BOD1L1: variants seen among roughly 807,000 people sequenced by gnomAD.
BOD1L1 encodes the protein biorientation of chromosomes in cell division protein 1-like 1.
Under a neutral mutation model 240.7 loss-of-function variants are expected in BOD1L1, and 86 were observed. That is an observed-to-expected ratio of 0.36 (90% CI 0.30 to 0.43). BOD1L1 has a LOEUF of 0.43. BOD1L1 is among the 20% of genes least tolerant of loss of function. BOD1L1 has a pLI of 1.00. For missense variants in BOD1L1, 3,554 were observed against 3,643.5 expected (o/e 0.98, Z 0.63); for synonymous variants, 1,268 against 1,272.3 (o/e 1.00, Z 0.07).
At chr4:13,593,876 G>A (rs2108923008) in intron 12 of BOD1L1, among the ~76,000 whole-genome samples, 2 of 152,282 alleles carry the variant, frequency 1.3e-5, no homozygotes, top group Admixed American at 1.3e-4. Context: ...GTGGATCCAG[G>A]AACACAGCAC....
rs1716306928 is a variant in BOD1L1 at position 13,613,037 on chromosome 4, G to A, written c.1324+475C>T. Among the ~76,000 whole-genome samples, 1 of 152,166 alleles carries A rather than the reference G, an allele frequency of 6.6e-6. No individual in the cohort carries two copies. Among genetic ancestry groups the A allele is most frequent in the Admixed American group, 6.5e-5 (1 of 15,274 alleles). On this transcript the variant is annotated intron_variant, in intron 5 of 25. Coordinates refer to ENST00000040738, the MANE Select transcript of BOD1L1 (RefSeq NM_148894.3). The surrounding 1 kb of genome is among the most constrained non-coding windows in gnomAD (Gnocchi z 4.0). ...GCCCTGTGTGCCTCTTCCCTTGGCT[G>A]ATTTTAATCTGAGCACCTTAACTGT...
chr4:13,599,117 A>G lies in BOD1L1; in HGVS notation c.7783T>C (p.Leu2595=). 6.2e-7 allele frequency: 1 copy of G among 1,614,026 alleles called. No individual in the cohort carries two copies. Among genetic ancestry groups the G allele is most frequent in the Non-Finnish European group, 8.5e-7 (1 of 1,179,880 alleles). Residue 2595 remains leucine, a synonymous_variant, in exon 10 of 26, where the codon TTG becomes CTG. Transcript: ENST00000040738. ...IPPATYSVAL[L]APKCEQDLTI... is the part of the protein sequence containing the mutation. ...AAGTCCTGCTCACATTTAGGAGCCA[A>G]CAGAGCTACACTGTAAGTAGCTGGA...
intron 21 of BOD1L1, 55 bp downstream of exon 21, chr4:13,580,965 C>T (rs938552028): frequency 4.2e-5 from 62 of 1,478,854 alleles, no homozygotes; most frequent in Middle Eastern, 2.4e-4. Context: ...TGCATTATAC[C>T]GTTTTTCAGG....
chr4:13,608,765 C>A, intron 7 of BOD1L1, 97 bp from the exon 8 acceptor site: 4 of 1,027,648 alleles, frequency 3.9e-6, no homozygotes, highest in Non-Finnish European at 2.6e-6. Flanking sequence ...ATTGTTAAAG[C>A]CAAAATGGCT....
intron 22 of BOD1L1, chr4:13,577,910 T>C: frequency 7.3e-6 from 2 of 273,590 alleles, no homozygotes; most frequent in Non-Finnish European, 1.4e-5. Flanking sequence ...AGACTACTTT[T>C]TTTTTTTTTC....
In BOD1L1 at chr4:13,598,959, A is replaced by G; in HGVS notation, c.7941T>C (p.Asn2647=). The change falls in exon 10 of 26, where the codon AAT becomes AAC. Residue 2647 remains asparagine (N), a synonymous_variant. Coordinates refer to ENST00000040738, the MANE Select transcript of BOD1L1 (RefSeq NM_148894.3). The stretch of plus-strand genomic sequence containing the variant: ...ACAGATTCTCACCTATGTCACACAC[A>G]TTTTCTTCAGAAGACACAGTAACCA... The part of the protein sequence containing the change: ...DIMVTVSSEE[N]VCDIGNEESP... 1.2e-6 allele frequency: 2 copies of G among 1,606,292 alleles called. No homozygotes were observed. The highest frequency in any genetic ancestry group is 1.7e-6 in the Non-Finnish European group (2 of 1,174,628).
At chr4:13,572,610 A>G in intron 25 of BOD1L1, 1 of 1,154,230 alleles carries the variant, frequency 8.7e-7, no homozygotes, top group Non-Finnish European at 1.1e-6. Flanking sequence ...TTGGTGAGAC[A>G]AAATCTTAAA....
At position 13,582,321 on chromosome 4, in the gene BOD1L1, G is replaced by A; in HGVS notation, c.8519-11C>T. 1 of 1,610,340 alleles carries A rather than the reference G, an allele frequency of 6.2e-7. No individual in the cohort carries two copies. The highest frequency in any genetic ancestry group is 1.1e-5 in the South Asian group (1 of 90,746). On this transcript the variant is annotated splice_polypyrimidine_tract_variant and intron_variant, in intron 18 of 25. Coordinates refer to ENST00000040738, the MANE Select transcript of BOD1L1 (RefSeq NM_148894.3). The stretch of plus-strand genomic sequence containing the variant: ...TGCTGCTATATTCATCTGTAGAAAA[G>A]GAAGAACTTTGTTCAATGCTAGTGA...
rs748143030 is a variant in BOD1L1 at position 13,615,544 on chromosome 4, T to C, written c.369-42A>G. On this transcript the variant is annotated intron_variant, in intron 2 of 25. Coordinates refer to ENST00000040738, the MANE Select transcript of BOD1L1 (RefSeq NM_148894.3). ...TTTATGGAAAGGTGAAAAAATAATA[T>C]ATTATTTGCATTAATTACTTTAAAA... 23 of 1,521,062 alleles carry C rather than the reference T, an allele frequency of 1.5e-5. No individual in the cohort carries two copies. The Admixed American group carries it at 2.1e-4, about 14-fold the overall frequency. 94.2% of individuals were successfully genotyped at this position (1,521,062 alleles called of 1,614,324 possible).
chr4:13,587,609 CAA>C, intron 16 of BOD1L1, 88 bp downstream of exon 16: 1 of 988,182 alleles, frequency 1.0e-6, no homozygotes, highest in Non-Finnish European at 1.5e-6. Context: ...TTACTATCCT[CAA>C]AAATTCTCTA....
chr4:13,614,131 T>C, intron 4 of BOD1L1, 65 bp downstream of exon 4: 1 of 1,340,816 alleles, frequency 7.5e-7, no homozygotes, highest in South Asian at 1.7e-5. Flanking sequence ...GCAAATTTGA[T>C]ACTTCCCTGA....
chr4:13,608,058 C>T (rs930958968), intron 8 of BOD1L1, among the ~76,000 whole-genome samples: 1 of 152,026 alleles, frequency 6.6e-6, no homozygotes, highest in African/African-American at 2.4e-5. Context: ...AAAAAGTTAA[C>T]GATGATAATG....
At chr4:13,607,213 A>G in intron 8 of BOD1L1, 24 bp from the exon 9 acceptor site, 1 of 1,463,210 alleles carries the variant, frequency 6.8e-7, no homozygotes, top group Non-Finnish European at 9.1e-7. Flanking sequence ...AGTCAAATAT[A>G]AAGCATGAAT....
chr4:13,593,490 A>C (rs1384055994), intron 12 of BOD1L1: 1 of 152,114 alleles, frequency 6.6e-6, no homozygotes, highest in African/African-American at 2.4e-5. Flanking sequence ...TATTGTACTG[A>C]AGGTGGTTAC....
At chr4:13,589,317 C>T (rs992661211) in intron 14 of BOD1L1, among the ~76,000 whole-genome samples, 1 of 152,162 alleles carries the variant, frequency 6.6e-6, no homozygotes, top group Middle Eastern at 3.2e-3. Context: ...AAGTACACTA[C>T]ATAAGCACTG....
At position 13,604,840 on chromosome 4, in the gene BOD1L1, G is replaced by A; in HGVS notation, c.2060C>T (p.Thr687Ile). 1 of 1,611,628 alleles carries A rather than the reference G, an allele frequency of 6.2e-7. No individual in the cohort carries two copies. The highest frequency in any genetic ancestry group is 8.5e-7 in the Non-Finnish European group (1 of 1,179,346). The change falls in exon 10 of 26, where the codon ACC becomes ATC. Residue 687 changes from threonine (T) to isoleucine (I), a missense_variant. Physicochemically the swap from Thr to Ile is moderately conservative, Grantham distance 89 (BLOSUM62 -1). This residue lies in a region of BOD1L1 where 3,393 missense variants were observed against 3,427.1 expected (regional missense o/e 0.99). Coordinates refer to ENST00000040738, the MANE Select transcript of BOD1L1 (RefSeq NM_148894.3). ...GCTTTTCTGTTTCTGGGGCTCTTCG[G>A]TGCAAATTTCTGAGCGTTCTACTTG... ...KRQVERSEICTEEPQKQKSTL... is the reference protein window; with the variant it reads ...KRQVERSEICIEEPQKQKSTL...
intron 3 of BOD1L1, 113 bp from the exon 4 acceptor site, chr4:13,614,923 A>G (rs1716469209): frequency 1.8e-6 from 2 of 1,136,544 alleles, no homozygotes; most frequent in Admixed American, 2.9e-5. Flanking sequence ...TGTGCAGACC[A>G]TCTGTATATT....
rs1269425979 is a variant in BOD1L1 at position 13,613,954 on chromosome 4, TG to T, written c.1174+241del. The stretch of plus-strand genomic sequence containing the variant: ...CTATGAACTAAGTTGCTTAAAATAA[TG>T]TATGTGAATAAATTATAAGACAAAT... On this transcript the variant is annotated intron_variant, in intron 4 of 25. Transcript: ENST00000040738. The surrounding 1 kb of genome is among the most constrained non-coding windows in gnomAD (Gnocchi z 4.0). 6.6e-6 allele frequency among the ~76,000 whole-genome samples: 1 copy of T among 152,188 alleles called. No individual in the cohort carries two copies. The highest frequency in any genetic ancestry group is 6.5e-5 in the Admixed American group (1 of 15,290).
At chr4:13,588,833 T>G (rs1474998272) in intron 14 of BOD1L1, 41 bp from the exon 15 acceptor site, 1 of 1,403,598 alleles carries the variant, frequency 7.1e-7, no homozygotes, top group Admixed American at 2.3e-5. Flanking sequence ...ATCTTAAATA[T>G]TTTTATATTC....
Sources: gnomAD v4.1 joint callset for allele counts (sites outside exome capture counted in the v4.1 genomes callset) on GRCh38, gnomAD v4.1.1 for gene constraint, gnomAD v4.1.1 regional missense constraint, Gnocchi (gnomAD v3.1) non-coding constraint, MANE v1.5 for transcripts, NCBI Gene and HGNC (gene_info 2026-07-23, HGNC 2026-07-21) for gene names.